The following SDHB variants were observed in gnomAD, a reference collection of about 807,000 sequenced individuals.
The protein encoded by SDHB is succinate dehydrogenase [ubiquinone] iron-sulfur subunit, mitochondrial.
In SDHB, 21 loss-of-function variants were observed where a neutral mutation model predicts 39.7. The observed-to-expected ratio is 0.53, with a 90% CI of 0.37 to 0.76. The LOEUF (loss-of-function observed/expected upper bound fraction) is 0.76. SDHB is among the 30% of genes least tolerant of loss of function. SDHB has a pLI of 0.00. For missense variants in SDHB, 343 were observed against 350.9 expected (o/e 0.98, Z 0.18); for synonymous variants, 118 against 117.0 (o/e 1.01, Z -0.06).
intron 4 of SDHB, among the ~76,000 whole-genome samples, chr1:17,028,134 G>C (rs1355143682): frequency 6.6e-6 from 1 of 152,162 alleles, no homozygotes; most frequent in Admixed American, 6.5e-5. Context: ...AAAACACCAC[G>C]TCAGCAAAGG....
chr1:17,022,785 C>G, intron 6 of SDHB, 55 bp from the exon 7 acceptor site: 1 of 1,584,512 alleles, frequency 6.3e-7, no homozygotes. Context: ...AGAGCGGCAC[C>G]CTGGCTCAAC....
chr1:17,042,263 A>G (rs925300596), intron 2 of SDHB, among the ~76,000 whole-genome samples: 1 of 152,218 alleles, frequency 6.6e-6, no homozygotes, highest in African/African-American at 2.4e-5. Flanking sequence ...AAATCATGTA[A>G]GAGTAAAATG....
chr1:17,030,479 T>C (rs2078016428), intron 3 of SDHB, among the ~76,000 whole-genome samples: 1 of 152,094 alleles, frequency 6.6e-6, no homozygotes, highest in Non-Finnish European at 1.5e-5. Flanking sequence ...CAAAGCAAAC[T>C]AAACAAAAAA....
intron 1 of SDHB, among the ~76,000 whole-genome samples, chr1:17,047,514 TA>T (rs35967918): frequency 6.6e-6 from 1 of 151,202 alleles, no homozygotes. Context: ...CCGTCCCTAC[TA>T]AAAATACAAA....
At chr1:17,045,178 G>A (rs753114475) in intron 1 of SDHB, 179 of 411,528 alleles carry the variant, frequency 4.3e-4, no homozygotes, top group Non-Finnish European at 5.1e-4. Flanking sequence ...CATTCACGAT[G>A]AATATAAAGA....
chr1:17,019,263 C>T (rs1259995317), intron 7 of SDHB, among the ~76,000 whole-genome samples: 1 of 152,208 alleles, frequency 6.6e-6, no homozygotes, highest in East Asian at 1.9e-4. Context: ...CAAAGACACT[C>T]AGGGTAGTGT....
chr1:17,038,812 C>A (rs2078063335), intron 2 of SDHB, among the ~76,000 whole-genome samples: 1 of 152,046 alleles, frequency 6.6e-6, no homozygotes, highest in African/African-American at 2.4e-5. Context: ...TTTATTTATT[C>A]TGTTAAAATA....
Position 17,053,929 on chromosome 1 carries a change from C to G in SDHB, c.72+19G>C, listed in dbSNP as rs1466555262. ...TGTGGCTTTCCTGACTTTTCCCTCT[C>G]TGAGGCTCCAGGACTCACCTGCAGG... On this transcript the variant is annotated intron_variant, in intron 1 of 7. Coordinates refer to ENST00000375499, the MANE Select transcript of SDHB (RefSeq NM_003000.3). The G allele has an allele frequency of 1.2e-6, 2 of 1,605,250 alleles. No individual in the cohort carries two copies. Among genetic ancestry groups the G allele is most frequent in the Non-Finnish European group, 1.7e-6 (2 of 1,173,394 alleles).
chr1:17,043,660 C>T (rs2078093357), intron 2 of SDHB, among the ~76,000 whole-genome samples: 1 of 152,050 alleles, frequency 6.6e-6, no homozygotes, highest in South Asian at 2.1e-4. Context: ...CTGTGGAGTT[C>T]CTTAAAAGTG....
chr1:17,033,993 A>G (rs940012895), intron 2 of SDHB, among the ~76,000 whole-genome samples: 1 of 152,216 alleles, frequency 6.6e-6, no homozygotes, highest in Admixed American at 6.5e-5. Flanking sequence ...ACATAAAAAT[A>G]TGTAATTTTT....
Position 17,018,914 on chromosome 1 carries a change from C to T in SDHB, c.810G>A (p.Met270Ile), listed in dbSNP as rs1570942595. Reference protein sequence around the residue: ...GKAIAEIKKMMATYKEKKASV With the variant: ...GKAIAEIKKMIATYKEKKASV The stretch of plus-strand genomic sequence containing the variant: ...AAGCTTTCTTCTCCTTATAGGTTGC[C>T]ATCATTTTCTTGATCTCTGCAATAG... The change falls in exon 8 of 8, where the codon ATG (methionine) becomes ATA (isoleucine). Residue 270 changes from methionine to isoleucine, a missense_variant. Physicochemically the swap from Met to Ile is conservative, Grantham distance 10 (BLOSUM62 1). Transcript: ENST00000375499. The T allele has an allele frequency of 6.2e-7, 1 of 1,613,198 alleles. No homozygotes were observed. Among genetic ancestry groups the T allele is most frequent in the African/African-American group, 1.3e-5 (1 of 75,006 alleles).
intron 4 of SDHB, 68 bp downstream of exon 4, chr1:17,028,530 AAT>A: frequency 1.3e-6 from 2 of 1,541,696 alleles, no homozygotes; most frequent in Non-Finnish European, 1.8e-6. Context: ...CTGAAAAACT[AAT>A]AGCGTAACAC....
intron 1 of SDHB, 121 bp from the exon 2 acceptor site, chr1:17,045,009 T>C (rs1473928156): frequency 5.7e-6 from 5 of 877,334 alleles, no homozygotes; most frequent in Middle Eastern, 3.3e-4. Flanking sequence ...CACATAATCT[T>C]CTTAGAAAAG....
intron 7 of SDHB, among the ~76,000 whole-genome samples, chr1:17,022,158 C>G (rs1266343398): frequency 6.6e-6 from 1 of 152,180 alleles, no homozygotes; most frequent in Non-Finnish European, 1.5e-5. Flanking sequence ...GAACGAAAGC[C>G]AGAGCTTTGA....
intron 3 of SDHB, among the ~76,000 whole-genome samples, chr1:17,031,939 C>T (rs1468913590): frequency 6.6e-6 from 1 of 152,112 alleles, no homozygotes; most frequent in East Asian, 1.9e-4. Context: ...CTCTGGGCCT[C>T]ACCTTTAAAT....
intron 1 of SDHB, among the ~76,000 whole-genome samples, chr1:17,046,332 G>T (rs991761331): frequency 7.3e-5 from 11 of 150,142 alleles, no homozygotes; most frequent in African/African-American, 2.7e-4. Flanking sequence ...AACTCCAGTG[G>T]ACTTTGCTTG....
At position 17,022,602 on chromosome 1, in the gene SDHB, A is replaced by G. The variant is rs2101513489; in HGVS notation, c.765+6T>C. 1 of 1,613,782 alleles carries G rather than the reference A, an allele frequency of 6.2e-7. No homozygotes were observed. The highest frequency in any genetic ancestry group is 8.5e-7 in the Non-Finnish European group (1 of 1,179,730). On this transcript the variant is annotated splice_donor_region_variant and intron_variant, in intron 7 of 7. Transcript: ENST00000375499. ...GGCAGAGCTGAGGGTCACCAGCCCCACGTACCTTAGGACAGGTCCTTGTGC... is the reference window on the plus strand; with the variant it reads ...GGCAGAGCTGAGGGTCACCAGCCCCGCGTACCTTAGGACAGGTCCTTGTGC...
chr1:17,021,654 A>G (rs961012475), intron 7 of SDHB, among the ~76,000 whole-genome samples: 1 of 151,878 alleles, frequency 6.6e-6, no homozygotes, highest in Non-Finnish European at 1.5e-5. Flanking sequence ...CGAATGCAGG[A>G]GAATCACTTG....
intron 6 of SDHB, chr1:17,023,036 A>T: frequency 5.3e-6 from 2 of 379,686 alleles, no homozygotes; most frequent in South Asian, 4.2e-5. Flanking sequence ...CCCAGCTTAT[A>T]ATTTGGTGAA....
Sources: allele counts gnomAD v4.1 joint callset (sites outside exome capture counted in the v4.1 genomes callset), GRCh38; gene constraint gnomAD v4.1.1; transcripts MANE v1.5; gene names NCBI Gene and HGNC (gene_info 2026-07-23, HGNC 2026-07-21).